The following XKR9 variants were observed in gnomAD, a reference collection of about 807,000 sequenced individuals.
The protein encoded by XKR9 is XK-related protein 9.
Under a neutral mutation model 32.0 loss-of-function variants are expected in XKR9, and 32 were observed. That is an observed-to-expected ratio of 1.00 (90% CI 0.76 to 1.34). The LOEUF is 1.34. XKR9 is among the 40% of genes most tolerant of loss of function. The pLI, the probability that XKR9 is intolerant of heterozygous loss-of-function variation, is 0.00. For synonymous variants in XKR9, 168 were observed against 143.4 expected (o/e 1.17, Z -1.22); for missense variants, 546 against 429.7 (o/e 1.27, Z -2.39).
chr8:71,060,728 T>C, the XKR9 span, among the ~76,000 whole-genome samples: 5 of 152,194 alleles, frequency 3.3e-5, no homozygotes, highest in African/African-American at 7.2e-5. Context: ...TGAGAGCCAA[T>C]TGATAAATTT....
the XKR9 span, among the ~76,000 whole-genome samples, chr8:70,963,678 T>G: frequency 1.3e-5 from 2 of 152,254 alleles, no homozygotes; most frequent in Admixed American, 6.5e-5. Flanking sequence ...TGTTAGATGG[T>G]ATCTCATCGT....
chr8:71,061,646 GAA>G, the XKR9 span, among the ~76,000 whole-genome samples: 2 of 152,192 alleles, frequency 1.3e-5, no homozygotes, highest in African/African-American at 4.8e-5. Flanking sequence ...GACAGAGAGA[GAA>G]AGAGAGAGAG....
the XKR9 span, among the ~76,000 whole-genome samples, chr8:70,839,491 C>T: frequency 4.6e-5 from 7 of 152,120 alleles, no homozygotes; most frequent in Non-Finnish European, 7.4e-5. Context: ...AACATAGCCG[C>T]CAACATTACT....
At chr8:70,765,141 G>T (rs1807357872) in intron 2 of XKR9, among the ~76,000 whole-genome samples, 1 of 152,046 alleles carries the variant, frequency 6.6e-6, no homozygotes, top group Non-Finnish European at 1.5e-5. Context: ...TGATATTTCT[G>T]GTTCTAGATC....
chr8:70,861,196 GA>G, the XKR9 span, among the ~76,000 whole-genome samples: 3 of 152,116 alleles, frequency 2.0e-5, no homozygotes, highest in African/African-American at 7.2e-5. Flanking sequence ...ACTCTTCACA[GA>G]GTTTTTTAAG....
In XKR9 at chr8:70,729,568, T is replaced by G. The variant is rs548133476; in HGVS notation, c.494-4228T>G. 4.6e-5 allele frequency among the ~76,000 whole-genome samples: 7 copies of G among 152,256 alleles called. No individual in the cohort carries two copies. In the East Asian group the frequency reaches 1.4e-3, roughly 29 times the overall value. Reference sequence around the variant, plus strand: ...CACCTGTCAAAGTTTTGTAGCTGATTAGGAAACCACCATTTAAAGAGGATC... The same window carrying G: ...CACCTGTCAAAGTTTTGTAGCTGATGAGGAAACCACCATTTAAAGAGGATC... On this transcript the variant is annotated intron_variant, in intron 4 of 4. Coordinates refer to ENST00000408926, the MANE Select transcript of XKR9 (RefSeq NM_001011720.2).
chr8:70,718,452 C>T (rs181961390), intron 4 of XKR9, among the ~76,000 whole-genome samples: 2 of 152,166 alleles, frequency 1.3e-5, no homozygotes, highest in East Asian at 3.9e-4. Flanking sequence ...AGCTGTTTGT[C>T]CTAATGCTCT....
chr8:70,721,410 A>G (rs1478692043), intron 4 of XKR9, among the ~76,000 whole-genome samples: 1 of 151,480 alleles, frequency 6.6e-6, no homozygotes, highest in Non-Finnish European at 1.5e-5. Context: ...TTGATTTTAG[A>G]TTTTTCTCAG....
the XKR9 span, among the ~76,000 whole-genome samples, chr8:70,808,437 TGGACAGTGGGTGCA>T: frequency 7.2e-5 from 11 of 152,134 alleles, no homozygotes; most frequent in Non-Finnish European, 1.2e-4. Context: ...TGGGGATTGT[TGGACAGTGGGTGCA>T]GGACAGTGGG....
the XKR9 span, among the ~76,000 whole-genome samples, chr8:70,830,577 A>G: frequency 6.6e-6 from 1 of 152,164 alleles, no homozygotes; most frequent in South Asian, 2.1e-4. Flanking sequence ...ACAGAACGAG[A>G]CCCTGTCTCC....
At chr8:70,950,972 C>T in the XKR9 span, among the ~76,000 whole-genome samples, 1 of 152,210 alleles carries the variant, frequency 6.6e-6, no homozygotes, top group Non-Finnish European at 1.5e-5. Flanking sequence ...CCGCACCTGG[C>T]CTTCCTTCTC....
chr8:70,993,861 G>A, the XKR9 span, among the ~76,000 whole-genome samples: 3 of 152,108 alleles, frequency 2.0e-5, no homozygotes, highest in East Asian at 5.8e-4. Flanking sequence ...CCTTAAAGAA[G>A]CCTGTTTGCA....
the XKR9 span, among the ~76,000 whole-genome samples, chr8:70,969,855 G>A: frequency 2.0e-5 from 3 of 152,166 alleles, no homozygotes; most frequent in South Asian, 2.1e-4. Context: ...CCCATCACCC[G>A]AGCAATATAC....
intron 4 of XKR9, among the ~76,000 whole-genome samples, chr8:70,732,288 C>T (rs1008937631): frequency 6.6e-6 from 1 of 152,244 alleles, no homozygotes; most frequent in African/African-American, 2.4e-5. Flanking sequence ...GTTACAGCTA[C>T]AGACACTCTG....
At chr8:70,779,505 T>G (rs956009880) in intron 2 of XKR9, among the ~76,000 whole-genome samples, 2 of 152,150 alleles carry the variant, frequency 1.3e-5, no homozygotes, top group South Asian at 4.1e-4. Context: ...TTTTCTATTG[T>G]TTGGAATAGT....
At chr8:70,954,656 T>C in the XKR9 span, among the ~76,000 whole-genome samples, 1 of 152,172 alleles carries the variant, frequency 6.6e-6, no homozygotes, top group Non-Finnish European at 1.5e-5. Context: ...TATCCTCAGG[T>C]TCATTTCAAT....
the XKR9 span, among the ~76,000 whole-genome samples, chr8:71,012,954 T>G: frequency 6.6e-6 from 1 of 152,220 alleles, no homozygotes; most frequent in Non-Finnish European, 1.5e-5. Context: ...CCACTGACAC[T>G]TTTATCCCTT....
the XKR9 span, among the ~76,000 whole-genome samples, chr8:70,908,172 A>C: frequency 3.3e-5 from 5 of 150,570 alleles, no homozygotes; most frequent in Admixed American, 6.7e-5. Flanking sequence ...TTCAATGAGG[A>C]GTAATTAATT....
chr8:70,876,372 C>A, the XKR9 span, among the ~76,000 whole-genome samples: 1 of 151,922 alleles, frequency 6.6e-6, no homozygotes. Flanking sequence ...CCACCACCCC[C>A]AGCTAATTTT....
Sources: gnomAD v4.1 joint callset for allele counts (sites outside exome capture counted in the v4.1 genomes callset) on GRCh38, gnomAD v4.1.1 for gene constraint, MANE v1.5 for transcripts, NCBI Gene and HGNC (gene_info 2026-07-23, HGNC 2026-07-21) for gene names.